The following VIL1 variants were observed in gnomAD, a reference collection of about 807,000 sequenced individuals.
VIL1 encodes the protein villin-1.
Under a neutral mutation model 104.0 loss-of-function variants are expected in VIL1, and 86 were observed. The observed-to-expected ratio is 0.83, with a 90% CI of 0.69 to 0.99. The LOEUF (loss-of-function observed/expected upper bound fraction) is 0.99, where lower values mean the gene tolerates loss of function less well. VIL1 is among the 50% of genes least tolerant of loss of function. The pLI is 0.00. For missense variants in VIL1, 944 were observed against 1,054.1 expected (o/e 0.90, Z 1.45); for synonymous variants, 394 against 412.6 (o/e 0.95, Z 0.55).
At chr2:218,440,269 ATGT>A (rs374494985) in intron 18 of VIL1, among the ~76,000 whole-genome samples, 26 of 151,946 alleles carry the variant, frequency 1.7e-4, no homozygotes, top group East Asian at 3.9e-4. Flanking sequence ...ACTAAGCTCT[ATGT>A]TGTTGTTGTT....
At chr2:218,425,440 G>C (rs1441672744) in intron 3 of VIL1, among the ~76,000 whole-genome samples, 175 bp from the exon 4 acceptor site, 1 of 152,192 alleles carries the variant, frequency 6.6e-6, no homozygotes, top group Non-Finnish European at 1.5e-5. Flanking sequence ...CCATGTCTCA[G>C]AGAGTCAATG....
In VIL1 at chr2:218,452,167, T is replaced by G. The variant is rs1689502859; in HGVS notation, c.*2831T>G. Reference sequence around the variant, plus strand: ...AAGATCAAAAGGTTGTATCTAGAACTAATTGCCATCAAGTTCCAATTCAAT... The same window carrying G: ...AAGATCAAAAGGTTGTATCTAGAACGAATTGCCATCAAGTTCCAATTCAAT... On this transcript the variant is annotated 3_prime_UTR_variant, in exon 20 of 20. Coordinates refer to ENST00000248444, the MANE Select transcript of VIL1 (RefSeq NM_007127.3). The G allele has an allele frequency of 6.6e-6, 1 of 152,224 alleles. No homozygotes were observed. The highest frequency in any genetic ancestry group is 2.1e-4 in the South Asian group (1 of 4,828). The allele number at this position is 152,224 out of a possible 1,614,324, so 9.4% of individuals were successfully genotyped here.
chr2:218,428,142 G>T, intron 5 of VIL1, 69 bp downstream of exon 5: 1 of 1,598,472 alleles, frequency 6.3e-7, no homozygotes, highest in Non-Finnish European at 8.6e-7. Flanking sequence ...GGCTGAGGAG[G>T]GGTGAGGGGC....
chr2:218,442,340 G>C (rs930777961), intron 19 of VIL1, among the ~76,000 whole-genome samples: 1 of 152,156 alleles, frequency 6.6e-6, no homozygotes, highest in Admixed American at 6.5e-5. Context: ...GCAATTCAGA[G>C]GAACACCAGG....
chr2:218,420,677 CT>C (rs1688887873), intron 1 of VIL1, among the ~76,000 whole-genome samples: 2 of 151,458 alleles, frequency 1.3e-5, no homozygotes, highest in Admixed American at 6.6e-5. Context: ...GCTCCACCCC[CT>C]GGGTTCACGC....
chr2:218,432,918 G>A lies in VIL1; in HGVS notation c.1467G>A (p.Met489Ile), dbSNP rs1342710471. The change falls in exon 13 of 20, where the codon ATG (methionine) becomes ATA (isoleucine). Residue 489 changes from methionine (M) to isoleucine (I), a missense_variant. Transcript: ENST00000248444. ...VPMGKEPPHL[M>I]SIFKGRMVVY... ...TGGGCAAGGAGCCACCTCATCTTAT[G>A]TCCATCTTCAAGGGACGCATGGTGG... The A allele has an allele frequency of 6.2e-7, 1 of 1,614,220 alleles. No homozygotes were observed. The highest frequency in any genetic ancestry group is 1.3e-5 in the African/African-American group (1 of 75,064).
Position 218,434,605 on chromosome 2 carries a change from A to C in VIL1, c.1580A>C (p.Asn527Thr), listed in dbSNP as rs201489554. The change falls in exon 14 of 20, where the codon AAC becomes ACC. Residue 527 changes from asparagine (N) to threonine (T), a missense_variant. Transcript: ENST00000248444. ...CAGGTCCAGGGAACTGGCGCCAACA[A>C]CACCAAGGCCTTTGAGGTCCCAGCG... ...LFQVQGTGAN[N>T]TKAFEVPARA... 373 of 1,614,070 alleles carry C rather than the reference A, an allele frequency of 2.3e-4. 1 individual carries two copies. In the South Asian group the frequency reaches 2.7e-3, roughly 12 times the overall value.
Position 218,435,352 on chromosome 2 carries a change from A to G in VIL1, c.1744A>G (p.Lys582Glu). 6.2e-7 allele frequency: 1 copy of G among 1,614,034 alleles called. No individual in the cohort carries two copies. Among genetic ancestry groups the G allele is most frequent in the Non-Finnish European group, 8.5e-7 (1 of 1,179,974 alleles). Residue 582 changes from lysine (K) to glutamate (E), a missense_variant, in exon 15 of 20, where the codon AAG becomes GAG. By Grantham distance (56) the Lys-to-Glu change is moderately conservative. Transcript: ENST00000248444. Reference sequence around the variant, plus strand: ...TGCTGACACCATCTCCCGGACGGAGAAGCAAGTGGTGGTGGAAGGGCAGGA... The same window carrying G: ...TGCTGACACCATCTCCCGGACGGAGGAGCAAGTGGTGGTGGAAGGGCAGGA... The part of the protein sequence containing the change: ...MVADTISRTE[K>E]QVVVEGQEPA...
intron 1 of VIL1, among the ~76,000 whole-genome samples, chr2:218,420,143 T>C (rs555439579): frequency 6.6e-6 from 1 of 152,086 alleles, no homozygotes; most frequent in East Asian, 1.9e-4. Flanking sequence ...AAGAAAGGCA[T>C]GGTGGGCCAG....
At chr2:218,442,012 A>G (rs2106396803) in intron 19 of VIL1, among the ~76,000 whole-genome samples, 1 of 152,228 alleles carries the variant, frequency 6.6e-6, no homozygotes, top group South Asian at 2.1e-4. Flanking sequence ...AATAATAATT[A>G]TAGCTTCTCA....
intron 5 of VIL1, 33 bp downstream of exon 5, chr2:218,428,106 C>T (rs755580264): frequency 6.2e-7 from 1 of 1,608,838 alleles, no homozygotes. Context: ...TCGGCCAGGG[C>T]TGTGAGGCCC....
At chr2:218,441,002 C>A in intron 19 of VIL1, 140 bp downstream of exon 19, 1 of 995,184 alleles carries the variant, frequency 1.0e-6, no homozygotes, top group South Asian at 1.7e-5. Context: ...CACCTTATAT[C>A]CCAGGAGGAG....
rs776610182 is a variant in VIL1 at position 218,452,088 on chromosome 2, G to A, written c.*2752G>A. ...TTTCCAACCTTCAGTACTATTAGGT[G>A]ATTAAAATCAACAAATATGAAGTTT... On this transcript the variant is annotated 3_prime_UTR_variant, in exon 20 of 20. Transcript: ENST00000248444. 1.3e-5 allele frequency: 2 copies of A among 152,502 alleles called. No individual in the cohort carries two copies. Among genetic ancestry groups the A allele is most frequent in the African/African-American group, 2.4e-5 (1 of 41,430 alleles). The allele number at this position is 152,502 out of a possible 1,614,324, so 9.4% of individuals were successfully genotyped here.
intron 19 of VIL1, 39 bp downstream of exon 19, chr2:218,440,901 T>TGTTGGACCACCATA (rs1689274439): frequency 6.8e-6 from 11 of 1,611,168 alleles, no homozygotes; most frequent in Non-Finnish European, 8.5e-6. Context: ...GAAGTCCATT[T>TGTTGGACCACCATA]GTTGGACCAC....
In VIL1 at chr2:218,429,017, A is replaced by AC. The variant is rs1689048873; in HGVS notation, c.568-267dup. On this transcript the variant is annotated intron_variant, in intron 6 of 19. Coordinates refer to ENST00000248444, the MANE Select transcript of VIL1 (RefSeq NM_007127.3). ...GTCCCGAACTGTGAAGTCTAAGCACACATTTCCCACACTGTCAGAACAGAA... is the reference window on the plus strand; with the variant it reads ...GTCCCGAACTGTGAAGTCTAAGCACACCATTTCCCACACTGTCAGAACAGAA... Among the ~76,000 whole-genome samples, 3 of 152,334 alleles carry AC rather than the reference A, an allele frequency of 2.0e-5. No individual in the cohort carries two copies. In the South Asian group the frequency reaches 6.2e-4, roughly 32 times the overall value.
chr2:218,431,688 T>C (rs1317798701), intron 10 of VIL1, among the ~76,000 whole-genome samples, 169 bp from the exon 11 acceptor site: 2 of 152,140 alleles, frequency 1.3e-5, no homozygotes, highest in East Asian at 3.8e-4. Context: ...TGGTTCTCTA[T>C]TGTAGCTCTG....
Position 218,437,252 on chromosome 2 carries a change from G to T in VIL1, c.2100G>T (p.Gln700His), listed in dbSNP as rs755976616. 1.2e-6 allele frequency: 2 copies of T among 1,614,226 alleles called. No individual in the cohort carries two copies. ...AGACCCCCATCATTGTGGTGAAGCA[G>T]GGACACGAGCCCCCCACCTTCACAG... ...DPETPIIVVK[Q>H]GHEPPTFTGW... is the part of the protein sequence containing the mutation. Residue 700 changes from glutamine (Q) to histidine (H), a missense_variant, in exon 17 of 20, where the codon CAG (glutamine) becomes CAT (histidine). Coordinates refer to ENST00000248444, the MANE Select transcript of VIL1 (RefSeq NM_007127.3).
rs1276004399 is a variant in VIL1, at chr2:218,450,576, TAGGGAGGGAAAGAAAAGCTCAA to T, written c.*1252_*1273del. On this transcript the variant is annotated 3_prime_UTR_variant, in exon 20 of 20. Coordinates refer to ENST00000248444, the MANE Select transcript of VIL1 (RefSeq NM_007127.3). ...AACAATGACAATAGGCCAGAGAAGT[TAGGGAGGGAAAGAAAAGCTCAA>T]AGGGAGGGAAACCTGGGGACAAGAG... is the stretch of plus-strand genomic sequence containing the variant. 1 of 152,566 alleles carries T rather than the reference TAGGGAGGGAAAGAAAAGCTCAA, an allele frequency of 6.6e-6. No homozygotes were observed. Among genetic ancestry groups the T allele is most frequent in the African/African-American group, 2.4e-5 (1 of 41,444 alleles). The allele number at this position is 152,566 out of a possible 1,614,324, so 9.5% of individuals were successfully genotyped here.
rs973505315 is a variant in VIL1 at position 218,452,568 on chromosome 2, C to A, written c.*3232C>A. On this transcript the variant is annotated 3_prime_UTR_variant, in exon 20 of 20. Coordinates refer to ENST00000248444, the MANE Select transcript of VIL1 (RefSeq NM_007127.3). ...AATTTGAGTCCCAAACATGCAAGTA[C>A]ATGAGCAGTGAGATAACTTATATAT... is the stretch of plus-strand genomic sequence containing the variant. 1 of 152,144 alleles carries A rather than the reference C, an allele frequency of 6.6e-6. No homozygotes were observed. The highest frequency in any genetic ancestry group is 6.6e-5 in the Admixed American group (1 of 15,254). The allele number at this position is 152,144 out of a possible 1,614,324, so 9.4% of individuals were successfully genotyped here.
Sources: gnomAD v4.1 joint callset for allele counts (sites outside exome capture counted in the v4.1 genomes callset) on GRCh38, gnomAD v4.1.1 for gene constraint, MANE v1.5 for transcripts, NCBI Gene and HGNC (gene_info 2026-07-23, HGNC 2026-07-21) for gene names.